Variants in TNKS observed in about 807,000 individuals in gnomAD.
The protein encoded by TNKS is tankyrase, also known as poly [ADP-ribose] polymerase tankyrase-1.
Under a neutral mutation model 135.8 loss-of-function variants are expected in TNKS, and 72 were observed. The observed-to-expected ratio is 0.53, with a 90% confidence interval of 0.44 to 0.64. The LOEUF (loss-of-function observed/expected upper bound fraction) is 0.64, where lower values mean the gene tolerates loss of function less well. Among genes scored for constraint, TNKS ranks in the 30% least tolerant of loss-of-function variants. TNKS has a pLI of 0.00. For missense variants in TNKS, 1,769 were observed against 1,674.0 expected (o/e 1.06, Z -0.99); for synonymous variants, 849 against 649.3 (o/e 1.31, Z -4.68).
At chr8:9,649,340 A>G (rs1221747826) in intron 3 of TNKS, among the ~76,000 whole-genome samples, 2 of 152,196 alleles carry the variant, frequency 1.3e-5, no homozygotes, top group African/African-American at 2.4e-5. Context: ...CAAATTATAC[A>G]TGGCGAATAA....
chr8:9,732,972 T>G (rs923734932), intron 14 of TNKS, among the ~76,000 whole-genome samples: 25 of 152,216 alleles, frequency 1.6e-4, no homozygotes, highest in Non-Finnish European at 1.5e-5. Context: ...CTAATTGTAT[T>G]ATATTTTTTA....
At chr8:9,562,357 G>A (rs1387303571) in intron 1 of TNKS, among the ~76,000 whole-genome samples, 6 of 151,880 alleles carry the variant, frequency 4.0e-5, no homozygotes, top group Non-Finnish European at 8.8e-5. Context: ...TTTATTTTAT[G>A]GTTATTGCTT....
chr8:9,611,844 A>T (rs1370380590), intron 2 of TNKS, among the ~76,000 whole-genome samples: 1 of 152,222 alleles, frequency 6.6e-6, no homozygotes, highest in Non-Finnish European at 1.5e-5. Context: ...GATAACCTTC[A>T]GTGCTCCTGG....
At position 9,776,805 on chromosome 8, in the gene TNKS, T is replaced by C. The variant is rs2128845734; in HGVS notation, c.*69T>C. ...CTGGATTACAGAGGATTGTTTCTAATAACAACATCAATATTCTAGAAGTCC... is the reference window on the plus strand; with the variant it reads ...CTGGATTACAGAGGATTGTTTCTAACAACAACATCAATATTCTAGAAGTCC... On this transcript the variant is annotated 3_prime_UTR_variant, in exon 27 of 27. Transcript: ENST00000310430. 7 of 1,442,032 alleles carry C rather than the reference T, an allele frequency of 4.9e-6. No individual in the cohort carries two copies. The highest frequency in any genetic ancestry group is 6.8e-6 in the Non-Finnish European group (7 of 1,028,124). The allele number at this position is 1,442,032 out of a possible 1,614,324, so 89.3% of individuals were successfully genotyped here.
At chr8:9,678,255 A>G (rs763542119) in intron 3 of TNKS, among the ~76,000 whole-genome samples, 67 of 150,884 alleles carry the variant, frequency 4.4e-4, no homozygotes, top group Non-Finnish European at 8.6e-4. Flanking sequence ...ATTTGGGGGC[A>G]TGGGTTATGC....
chr8:9,700,265 A>G (rs1803731804), intron 5 of TNKS, among the ~76,000 whole-genome samples: 1 of 152,180 alleles, frequency 6.6e-6, no homozygotes, highest in East Asian at 1.9e-4. Flanking sequence ...CTTCTGAATA[A>G]AGAATTCATT....
At chr8:9,558,722 C>T (rs1364219370) in intron 1 of TNKS, 2 of 152,116 alleles carry the variant, frequency 1.3e-5, no homozygotes, top group Admixed American at 6.5e-5. Context: ...TCAAACAGTA[C>T]CGTAATTATG....
chr8:9,643,299 C>T (rs1194492210), intron 3 of TNKS, among the ~76,000 whole-genome samples: 1 of 145,492 alleles, frequency 6.9e-6, no homozygotes, highest in African/African-American at 2.6e-5. Context: ...CTGAGAAGTC[C>T]AAGGTTGAGG....
At chr8:9,754,987 C>A (rs547343904) in intron 20 of TNKS, among the ~76,000 whole-genome samples, 2 of 152,192 alleles carry the variant, frequency 1.3e-5, no homozygotes, top group African/African-American at 4.8e-5. Context: ...ACAGCTATAG[C>A]TGTTCTTCCC....
At chr8:9,629,099 G>C (rs377337954) in intron 3 of TNKS, among the ~76,000 whole-genome samples, 4 of 152,190 alleles carry the variant, frequency 2.6e-5, no homozygotes, top group Non-Finnish European at 5.9e-5. Context: ...TCTCACCAAC[G>C]TGTAGTCTGT....
chr8:9,599,293 A>T (rs1798923773), intron 2 of TNKS, among the ~76,000 whole-genome samples: 1 of 152,204 alleles, frequency 6.6e-6, no homozygotes, highest in Non-Finnish European at 1.5e-5. Flanking sequence ...AGATGAAAAG[A>T]TTCTCATTGG....
intron 3 of TNKS, chr8:9,670,647 GAT>G (rs1253016576): frequency 6.6e-6 from 1 of 152,106 alleles, no homozygotes; most frequent in Non-Finnish European, 1.5e-5. Context: ...GTAGATTTTA[GAT>G]ATATATAATT....
chr8:9,739,759 C>T (rs1805826961), intron 17 of TNKS, among the ~76,000 whole-genome samples: 1 of 12,332 alleles, frequency 8.1e-5, no homozygotes, highest in Non-Finnish European at 1.6e-4. Flanking sequence ...TTTGTAGGGA[C>T]ATGGATGAAA....
At chr8:9,589,684 A>G (rs554634858) in intron 2 of TNKS, among the ~76,000 whole-genome samples, 2 of 152,376 alleles carry the variant, frequency 1.3e-5, no homozygotes, top group South Asian at 4.1e-4. Flanking sequence ...ATAGGAATCT[A>G]CAACTGAGAG....
chr8:9,631,263 A>G (rs1476828409), intron 3 of TNKS, among the ~76,000 whole-genome samples: 1 of 152,204 alleles, frequency 6.6e-6, no homozygotes, highest in Admixed American at 6.5e-5. Context: ...AAGGGATGTG[A>G]TCTTCTCACG....
intron 2 of TNKS, among the ~76,000 whole-genome samples, chr8:9,593,244 A>C (rs1173252458): frequency 6.6e-6 from 1 of 152,196 alleles, no homozygotes; most frequent in East Asian, 1.9e-4. Context: ...CAGTGTCACT[A>C]ATATTTGTGT....
intron 1 of TNKS, among the ~76,000 whole-genome samples, chr8:9,579,650 T>C (rs1798093481): frequency 6.6e-6 from 1 of 151,986 alleles, no homozygotes; most frequent in African/African-American, 2.4e-5. Flanking sequence ...TGTGGTTTTA[T>C]TAGAGACGGG....
chr8:9,744,203 A>G, intron 17 of TNKS, among the ~76,000 whole-genome samples: 1 of 152,194 alleles, frequency 6.6e-6, no homozygotes, highest in East Asian at 1.9e-4. Flanking sequence ...TCTTTATATA[A>G]TAATGCCTTG....
intron 20 of TNKS, among the ~76,000 whole-genome samples, chr8:9,753,422 A>C (rs890925552): frequency 2.6e-5 from 4 of 152,204 alleles, no homozygotes; most frequent in East Asian, 1.9e-4. Flanking sequence ...TTGGCCATAC[A>C]TTCCAATAGA....
Sources: gnomAD v4.1 joint callset for allele counts (sites outside exome capture counted in the v4.1 genomes callset) on GRCh38, gnomAD v4.1.1 for gene constraint, MANE v1.5 for transcripts, NCBI Gene and HGNC (gene_info 2026-07-23, HGNC 2026-07-21) for gene names.